The following CSMD1 variants were observed in gnomAD, a reference collection of about 807,000 sequenced individuals.
The protein encoded by CSMD1 is CUB and sushi domain-containing protein 1.
Under a neutral mutation model 417.5 loss-of-function variants are expected in CSMD1, and 213 were observed. The observed-to-expected ratio is 0.51, with a 90% CI of 0.46 to 0.57. The LOEUF (loss-of-function observed/expected upper bound fraction) is 0.57, where lower values mean the gene tolerates loss of function less well. Among genes scored for constraint, CSMD1 ranks in the 20% least tolerant of loss-of-function variants. The pLI, the probability that CSMD1 is intolerant of heterozygous loss-of-function variation, is 0.00. For missense variants in CSMD1, 6,923 were observed against 4,529.7 expected, an observed-to-expected ratio of 1.53 and a Z score of -15.17; for synonymous variants, 2,862 against 1,736.8, an observed-to-expected ratio of 1.65 and a Z score of -16.11.
chr8:4,946,918 G>C (rs551884351), intron 1 of CSMD1, among the ~76,000 whole-genome samples: 1 of 152,116 alleles, frequency 6.6e-6, no homozygotes, highest in East Asian at 1.9e-4. Flanking sequence ...GAAAGACAGA[G>C]CATATGTACA....
intron 7 of CSMD1, among the ~76,000 whole-genome samples, chr8:3,640,186 G>A (rs1189480070): frequency 6.6e-6 from 1 of 152,070 alleles, no homozygotes; most frequent in Admixed American, 6.5e-5. Flanking sequence ...GCTGGTGCAG[G>A]GATATTGCAG....
rs1426757323 is a variant in CSMD1 at position 3,703,465 on chromosome 8, TTC to T, written c.1009+4947_1009+4948del. ...ATTCATTCATTCATTCATTCATTCA[TTC>T]ATTCATTCATTCATCAGTAGATACT... On this transcript the variant is annotated intron_variant, in intron 7 of 69. Transcript: ENST00000635120. 1.3e-3 allele frequency among the ~76,000 whole-genome samples: 194 copies of T among 152,176 alleles called. 3 individuals carry two copies. The highest frequency in any genetic ancestry group is 4.5e-3 in the African/African-American group (186 of 41,504).
intron 9 of CSMD1, among the ~76,000 whole-genome samples, chr8:3,585,595 T>C (rs998964222): frequency 1.3e-5 from 2 of 152,214 alleles, no homozygotes; most frequent in African/African-American, 2.4e-5. Flanking sequence ...TTTGCTGACT[T>C]CGTATGTTTT....
At chr8:4,032,283 T>C (rs190813038) in intron 3 of CSMD1, among the ~76,000 whole-genome samples, 184 bp from the exon 4 acceptor site, 1 of 152,322 alleles carries the variant, frequency 6.6e-6, no homozygotes, top group East Asian at 1.9e-4. Context: ...ATATCTGCAG[T>C]ATAACACTTT....
intron 50 of CSMD1, among the ~76,000 whole-genome samples, chr8:3,051,840 G>C (rs1453453904): frequency 1.3e-5 from 2 of 152,088 alleles, no homozygotes; most frequent in African/African-American, 2.4e-5. Flanking sequence ...TATTCTTCTG[G>C]TGGGTTTTGC....
At chr8:4,005,110 G>C (rs1366695679) in intron 4 of CSMD1, among the ~76,000 whole-genome samples, 2 of 152,126 alleles carry the variant, frequency 1.3e-5, no homozygotes, top group African/African-American at 4.8e-5. Flanking sequence ...GAATAGGAAT[G>C]ATATAATGGA....
chr8:3,413,066 A>G (rs987478941), intron 12 of CSMD1, among the ~76,000 whole-genome samples: 1 of 152,196 alleles, frequency 6.6e-6, no homozygotes, highest in Admixed American at 6.5e-5. Flanking sequence ...CAGTTTTCAC[A>G]TTATGAGCTT....
At chr8:4,620,471 T>A (rs951287827) in intron 2 of CSMD1, among the ~76,000 whole-genome samples, 3 of 151,654 alleles carry the variant, frequency 2.0e-5, no homozygotes, top group African/African-American at 4.8e-5. Context: ...TCTACTTTTA[T>A]AGCTGAACTA....
At chr8:4,051,308 C>CAAAAAAAAA (rs5889012) in intron 3 of CSMD1, among the ~76,000 whole-genome samples, 39 of 140,538 alleles carry the variant, frequency 2.8e-4, no homozygotes, top group African/African-American at 8.8e-4. Context: ...TTTGAAGACT[C>CAAAAAAAAA]AAAAAAAAAA....
At chr8:3,150,387 C>T (rs1224920998) in intron 40 of CSMD1, among the ~76,000 whole-genome samples, 4 of 152,168 alleles carry the variant, frequency 2.6e-5, no homozygotes, top group Non-Finnish European at 2.9e-5. Flanking sequence ...GCATTTCCCA[C>T]GTCCAGCGCC....
intron 7 of CSMD1, among the ~76,000 whole-genome samples, chr8:3,627,712 T>G (rs749170443): frequency 2.4e-4 from 37 of 152,224 alleles, no homozygotes; most frequent in Admixed American, 6.5e-4. Flanking sequence ...ATTACATAAT[T>G]TAAGTGTCAC....
At chr8:4,399,881 A>G (rs908040331) in intron 3 of CSMD1, among the ~76,000 whole-genome samples, 2 of 152,198 alleles carry the variant, frequency 1.3e-5, no homozygotes, top group African/African-American at 2.4e-5. Context: ...CCAAAGTAGT[A>G]AATATCATCA....
At chr8:4,941,704 T>C (rs545233500) in intron 1 of CSMD1, among the ~76,000 whole-genome samples, 17 of 152,188 alleles carry the variant, frequency 1.1e-4, no homozygotes, top group African/African-American at 3.6e-4. Context: ...GCTCAAGCAA[T>C]TCTCTCGCCT....
chr8:4,988,863 C>T (rs552438010), intron 1 of CSMD1, among the ~76,000 whole-genome samples: 30 of 152,312 alleles, frequency 2.0e-4, no homozygotes, highest in African/African-American at 6.7e-4. Context: ...CCATAAAGCT[C>T]CCTATAATCA....
At chr8:4,308,787 A>G (rs1325863580) in intron 3 of CSMD1, among the ~76,000 whole-genome samples, 1 of 152,196 alleles carries the variant, frequency 6.6e-6, no homozygotes. Context: ...TTACAAAACT[A>G]ATTCACAGAT....
At chr8:4,221,151 T>G (rs758492173) in intron 3 of CSMD1, among the ~76,000 whole-genome samples, 3 of 152,176 alleles carry the variant, frequency 2.0e-5, no homozygotes, top group African/African-American at 4.8e-5. Context: ...CGGAGGAATA[T>G]CACTGAAGCT....
chr8:4,044,774 C>A (rs140092483), intron 3 of CSMD1, among the ~76,000 whole-genome samples: 1 of 25,722 alleles, frequency 3.9e-5, no homozygotes, highest in Non-Finnish European at 1.3e-4. Flanking sequence ...AGCACCCTAG[C>A]CGTGTAGCAC....
At chr8:4,313,258 C>A (rs192073845) in intron 3 of CSMD1, among the ~76,000 whole-genome samples, 1 of 152,060 alleles carries the variant, frequency 6.6e-6, no homozygotes, top group Non-Finnish European at 1.5e-5. Context: ...TTTTCAGTCA[C>A]TTTCCTCTAG....
At chr8:4,789,158 G>C (rs966712446) in intron 1 of CSMD1, among the ~76,000 whole-genome samples, 2 of 152,170 alleles carry the variant, frequency 1.3e-5, no homozygotes, top group Admixed American at 1.3e-4. Context: ...ATACAATGTT[G>C]TATGTTCAGA....
Sources: allele counts gnomAD v4.1 joint callset (sites outside exome capture counted in the v4.1 genomes callset), GRCh38; gene constraint gnomAD v4.1.1; transcripts MANE v1.5; gene names NCBI Gene and HGNC (gene_info 2026-07-23, HGNC 2026-07-21).